LOC128092252: variants seen among roughly 807,000 people sequenced by gnomAD.
the LOC128092252 span, among the ~76,000 whole-genome samples, chr15:50,681,837 C>T: frequency 1.3e-5 from 2 of 152,084 alleles, no homozygotes; most frequent in Non-Finnish European, 2.9e-5. Flanking sequence ...CTCCTTAGGT[C>T]AAGTAGGGAA....
At chr15:50,656,009 CAA>C in the LOC128092252 span, among the ~76,000 whole-genome samples, 98 of 139,280 alleles carry the variant, frequency 7.0e-4, no homozygotes, top group South Asian at 6.7e-4. Context: ...AAGAAAAAAA[CAA>C]AAAAAAAAAA....
At chr15:50,672,745 A>G in the LOC128092252 span, among the ~76,000 whole-genome samples, 1 of 151,706 alleles carries the variant, frequency 6.6e-6, no homozygotes, top group Non-Finnish European at 1.5e-5. Flanking sequence ...CCCCATCACT[A>G]CTAAAAATAT....
the LOC128092252 span, among the ~76,000 whole-genome samples, chr15:50,658,296 C>T: frequency 1.1e-4 from 17 of 151,916 alleles, no homozygotes; most frequent in South Asian, 2.1e-4. Context: ...TGAGCCACCG[C>T]GCCTGGCAGA....
chr15:50,667,524 T>C, the LOC128092252 span, among the ~76,000 whole-genome samples: 3 of 152,238 alleles, frequency 2.0e-5, no homozygotes, highest in East Asian at 1.9e-4. Flanking sequence ...CTGGCCGACA[T>C]GTAAAACCCC....
chr15:50,670,810 G>GGA, the LOC128092252 span, among the ~76,000 whole-genome samples: 13 of 113,514 alleles, frequency 1.1e-4, no homozygotes, highest in Non-Finnish European at 2.3e-4. Flanking sequence ...AAAAGAAAAA[G>GGA]AAAAAAAAAA....
At chr15:50,679,538 A>ATATATTTTTTTTTTTT in the LOC128092252 span, among the ~76,000 whole-genome samples, 6 of 43,900 alleles carry the variant, frequency 1.4e-4, no homozygotes, top group African/African-American at 4.3e-4. Context: ...ATATATATAT[A>ATATATTTTTTTTTTTT]TTTTTTTTTT....
the LOC128092252 span, among the ~76,000 whole-genome samples, chr15:50,654,750 G>A: frequency 2.0e-5 from 3 of 150,960 alleles, no homozygotes; most frequent in Non-Finnish European, 4.4e-5. Context: ...TGTAATCCCA[G>A]CACTTTGGGA....
the LOC128092252 span, among the ~76,000 whole-genome samples, chr15:50,673,419 C>G: frequency 6.6e-6 from 1 of 152,130 alleles, no homozygotes; most frequent in African/African-American, 2.4e-5. Flanking sequence ...CCCTGACCCC[C>G]TTCCCACCCT....
chr15:50,668,084 T>G, the LOC128092252 span, among the ~76,000 whole-genome samples: 1 of 152,240 alleles, frequency 6.6e-6, no homozygotes, highest in South Asian at 2.1e-4. Flanking sequence ...AGACTTTTTG[T>G]CATCAACATA....
the LOC128092252 span, among the ~76,000 whole-genome samples, chr15:50,662,356 T>A: frequency 6.6e-6 from 1 of 151,966 alleles, no homozygotes; most frequent in African/African-American, 2.4e-5. Context: ...AAAGAATAAT[T>A]TTGGCAAAAA....
the LOC128092252 span, among the ~76,000 whole-genome samples, chr15:50,679,122 T>C: frequency 1.4e-5 from 2 of 141,498 alleles, no homozygotes; most frequent in African/African-American, 5.5e-5. Context: ...TCCACCCGCC[T>C]CAGCCTTCCA....
chr15:50,650,913 G>A, the LOC128092252 span, among the ~76,000 whole-genome samples: 4 of 152,196 alleles, frequency 2.6e-5, no homozygotes, highest in Admixed American at 1.3e-4. Flanking sequence ...CATTGGCCGG[G>A]CGTGGTAGCT....
chr15:50,663,071 T>A, the LOC128092252 span: 1 of 1,555,348 alleles, frequency 6.4e-7, no homozygotes, highest in Non-Finnish European at 8.8e-7. Context: ...TTTAAAGAAT[T>A]GTTTATAAGT....
At chr15:50,663,075 T>C in the LOC128092252 span, 1 of 1,552,020 alleles carries the variant, frequency 6.4e-7, no homozygotes, top group Non-Finnish European at 8.9e-7. Flanking sequence ...AAGAATTGTT[T>C]ATAAGTTAAC....
At chr15:50,662,356 T>C in the LOC128092252 span, among the ~76,000 whole-genome samples, 1 of 151,968 alleles carries the variant, frequency 6.6e-6, no homozygotes, top group Admixed American at 6.6e-5. Context: ...AAAGAATAAT[T>C]TTGGCAAAAA....
chr15:50,669,858 C>T, the LOC128092252 span, among the ~76,000 whole-genome samples: 2 of 152,126 alleles, frequency 1.3e-5, no homozygotes, highest in African/African-American at 4.8e-5. Flanking sequence ...AATCAGCGAT[C>T]CCTTATCAGC....
At chr15:50,678,010 C>A in the LOC128092252 span, among the ~76,000 whole-genome samples, 1 of 151,774 alleles carries the variant, frequency 6.6e-6, no homozygotes, top group Non-Finnish European at 1.5e-5. Flanking sequence ...GAGGCCGAGG[C>A]GGGCGGATCA....
At chr15:50,666,017 G>A in the LOC128092252 span, among the ~76,000 whole-genome samples, 2 of 151,768 alleles carry the variant, frequency 1.3e-5, no homozygotes, top group Non-Finnish European at 2.9e-5. Flanking sequence ...TAAAAAAAAG[G>A]CTGAAAATTA....
At chr15:50,682,339 C>G in the LOC128092252 span, among the ~76,000 whole-genome samples, 2 of 151,422 alleles carry the variant, frequency 1.3e-5, no homozygotes, top group African/African-American at 4.8e-5. Flanking sequence ...CCCAGAAAAA[C>G]AGGTTAAAAA....
Sources: gnomAD v4.1 joint callset for allele counts (sites outside exome capture counted in the v4.1 genomes callset) on GRCh38, gnomAD v4.1.1 for gene constraint, MANE v1.5 for transcripts.